The following WNK2 variants were observed in gnomAD, a reference collection of about 807,000 sequenced individuals.
WNK2 encodes serine/threonine-protein kinase WNK2.
A neutral mutation model predicts 192.1 loss-of-function variants in WNK2; 67 were observed. The ratio of observed to expected loss-of-function variants is 0.35; its 90% confidence interval spans 0.29 to 0.43. The LOEUF is 0.43. WNK2 is among the 20% of genes least tolerant of loss of function. The probability of loss-of-function intolerance (pLI) is 1.00; values close to 1 mark genes in which losing one functional copy is unlikely to be tolerated. For missense variants in WNK2, 2,698 were observed against 3,089.7 expected (o/e 0.87, Z 3.01); for synonymous variants, 1,439 against 1,393.9 (o/e 1.03, Z -0.72).
At chr9:93,267,490 G>C (rs1395277822) in intron 16 of WNK2, among the ~76,000 whole-genome samples, 1 of 152,234 alleles carries the variant, frequency 6.6e-6, no homozygotes, top group Non-Finnish European at 1.5e-5. Context: ...ACCAGCTCCA[G>C]CTGGGGCAGG....
chr9:93,195,699 C>CAAAAAAAAAAAAA (rs59357990), intron 2 of WNK2, among the ~76,000 whole-genome samples: 41 of 41,658 alleles, frequency 9.8e-4, no homozygotes, highest in African/African-American at 3.5e-3. Flanking sequence ...GACTTTGTCT[C>CAAAAAAAAAAAAA]AAAAAAAAAA....
At chr9:93,300,291 GGA>G in intron 26 of WNK2, 142 bp downstream of exon 26, 1 of 665,106 alleles carries the variant, frequency 1.5e-6, no homozygotes. Flanking sequence ...ATATCAAAGT[GGA>G]ACCCCATGAG....
chr9:93,185,013 G>C lies in WNK2; in HGVS notation c.84G>C (p.Glu28Asp). 8.0e-7 allele frequency: 1 copy of C among 1,251,246 alleles called. No homozygotes were observed. Among genetic ancestry groups the C allele is most frequent in the Non-Finnish European group, 1.0e-6 (1 of 1,002,834 alleles). 77.5% of individuals were successfully genotyped at this position (1,251,246 alleles called of 1,614,324 possible). A position where few individuals can be genotyped will look rare whatever the true frequency, so the allele number is the denominator to read the frequency against. The part of the protein sequence containing the change: ...GRGAGPAGMA[E>D]PRAKAARPGP... ...GCGCGGGGCCCGCGGGCATGGCGGA[G>C]CCTCGGGCGAAGGCGGCGCGGCCGG... Residue 28 changes from glutamate (E) to aspartate (D), a missense_variant, in exon 2 of 30, where the codon GAG (glutamate) becomes GAC (aspartate). This residue lies in a region of WNK2 where 260 missense variants were observed against 285.6 expected (regional missense o/e 0.91). Coordinates refer to ENST00000427277, the MANE Select transcript of WNK2 (RefSeq NM_006648.4).
At position 93,247,470 on chromosome 9, in the gene WNK2, G is replaced by T; in HGVS notation, c.1543-73G>T. 6.6e-7 allele frequency: 1 copy of T among 1,518,466 alleles called. No individual in the cohort carries two copies. The highest frequency in any genetic ancestry group is 8.9e-7 in the Non-Finnish European group (1 of 1,118,048). 94.1% of individuals were successfully genotyped at this position (1,518,466 alleles called of 1,614,324 possible). A position where few individuals can be genotyped will look rare whatever the true frequency, so the allele number is the denominator to read the frequency against. On this transcript the variant is annotated intron_variant, in intron 7 of 29. Coordinates refer to ENST00000427277, the MANE Select transcript of WNK2 (RefSeq NM_006648.4). The surrounding 1 kb of genome is among the most constrained non-coding windows in gnomAD (Gnocchi z 5.2). ...GCGTGGATGAGCCAGTGATGGGAAA[G>T]CACTTTAGGTAAGGGGTGTGGGCCG...
At chr9:93,268,796 C>T (rs1276939179) in intron 19 of WNK2, 50 bp downstream of exon 19, 2 of 1,590,134 alleles carry the variant, frequency 1.3e-6, no homozygotes, top group East Asian at 4.6e-5. Flanking sequence ...CATGTACAGG[C>T]CTCCTTCTGT....
chr9:93,205,184 A>C (rs1056280096), intron 2 of WNK2, among the ~76,000 whole-genome samples: 1 of 152,146 alleles, frequency 6.6e-6, no homozygotes, highest in Non-Finnish European at 1.5e-5. Flanking sequence ...GACCAATGTT[A>C]CCGGTGACTG....
intron 2 of WNK2, among the ~76,000 whole-genome samples, chr9:93,204,523 A>G (rs1459155905): frequency 6.6e-6 from 1 of 152,092 alleles, no homozygotes; most frequent in African/African-American, 2.4e-5. Flanking sequence ...CCCCCAGCAA[A>G]CTGTTGTCGG....
In WNK2 at chr9:93,259,821, A is replaced by G. The variant is rs1228258580; in HGVS notation, c.3066+207A>G. On this transcript the variant is annotated intron_variant, in intron 12 of 29. Transcript: ENST00000427277. The surrounding 1 kb of genome is among the most constrained non-coding windows in gnomAD (Gnocchi z 4.8). ...TCTTCCGTTTTCCGAATGGGTCAGG[A>G]GATGCAGGAGTCCGTGCCTGATAGG... 1.3e-5 allele frequency among the ~76,000 whole-genome samples: 2 copies of G among 152,150 alleles called. No individual in the cohort carries two copies. Among genetic ancestry groups the G allele is most frequent in the African/African-American group, 4.8e-5 (2 of 41,442 alleles).
intron 19 of WNK2, among the ~76,000 whole-genome samples, chr9:93,269,189 G>C (rs1220788064): frequency 7.3e-6 from 1 of 136,444 alleles, no homozygotes; most frequent in Admixed American, 8.0e-5. Flanking sequence ...TGTTCACACA[G>C]ACATTTATCA....
intron 2 of WNK2, among the ~76,000 whole-genome samples, chr9:93,192,326 AGAG>A (rs1830477185): frequency 1.3e-5 from 2 of 150,342 alleles, no homozygotes; most frequent in Non-Finnish European, 3.0e-5. Flanking sequence ...AAAAAAAAAA[AGAG>A]AGAGAGAGAA....
rs1410318414 is a variant in WNK2 at position 93,292,244 on chromosome 9, C to G, written c.4937-64C>G. The G allele has an allele frequency of 1.5e-5, 23 of 1,575,248 alleles. No homozygotes were observed. The Admixed American group carries it at 3.2e-4, about 22-fold the overall frequency. On this transcript the variant is annotated intron_variant, in intron 21 of 29. Transcript: ENST00000427277. ...ATCACTTTGGGCTGCTTCGGGTCAG[C>G]TGTGAGCCATCTCTGCCTCTTCCTC... is the stretch of plus-strand genomic sequence containing the variant.
chr9:93,275,801 A>G (rs1430282123), intron 19 of WNK2, among the ~76,000 whole-genome samples: 3 of 152,368 alleles, frequency 2.0e-5, no homozygotes, highest in African/African-American at 2.4e-5. Flanking sequence ...CAATATTTGT[A>G]TATACTGGCA....
intron 2 of WNK2, among the ~76,000 whole-genome samples, chr9:93,198,403 G>T (rs1172679906): frequency 6.6e-6 from 1 of 152,236 alleles, no homozygotes; most frequent in Non-Finnish European, 1.5e-5. Flanking sequence ...TGCCCATCCA[G>T]CTGCTTTGGG....
Position 93,283,754 on chromosome 9 carries a change from A to G in WNK2, c.4034-5034A>G, listed in dbSNP as rs79443102. 9.9e-3 allele frequency among the ~76,000 whole-genome samples: 1,507 copies of G among 152,310 alleles called. 27 individuals are homozygous for G. Among genetic ancestry groups the G allele is most frequent in the East Asian group, 0.048 (249 of 5,176 alleles). On this transcript the variant is annotated intron_variant, in intron 19 of 29. Coordinates refer to ENST00000427277, the MANE Select transcript of WNK2 (RefSeq NM_006648.4). ...GCCCTGACTCCCATTATGCAGAACA[A>G]GGACACATTCTCTAAAGCAGTTGTG... is the stretch of plus-strand genomic sequence containing the variant.
Position 93,218,293 on chromosome 9 carries a change from C to T in WNK2, c.682-11403C>T, listed in dbSNP as rs140622044. Among the ~76,000 whole-genome samples the T allele has an allele frequency of 9.2e-5, 14 of 152,326 alleles. No homozygotes were observed. In the East Asian group the frequency reaches 2.7e-3, roughly 29 times the overall value. On this transcript the variant is annotated intron_variant, in intron 2 of 29. Coordinates refer to ENST00000427277, the MANE Select transcript of WNK2 (RefSeq NM_006648.4). ...CTGTTCTTGATGGTGGAGCTGCTAA[C>T]CCTGCTGACCTGTGTCCCTGGTGCT...
intron 16 of WNK2, among the ~76,000 whole-genome samples, chr9:93,265,821 G>T (rs1271662284): frequency 1.3e-5 from 2 of 152,194 alleles, no homozygotes; most frequent in South Asian, 2.1e-4. Flanking sequence ...TGGCCCCCTG[G>T]TTTTCAGTCT....
intron 23 of WNK2, among the ~76,000 whole-genome samples, chr9:93,296,040 TCCCCTCCATCCTCCCCTCACCTTCCTC>T (rs1850297053): frequency 4.2e-5 from 1 of 23,624 alleles, no homozygotes; most frequent in East Asian, 1.1e-3. Context: ...CTCTCCATCA[TCCCCTCCATCCTCCCCTCACCTTCCTC>T]CCCCTCTATC....
rs762463227 is a variant in WNK2, at chr9:93,259,582, C to T, written c.3034C>T (p.Gln1012Ter). The change falls in exon 12 of 30, where the codon CAA becomes TAA. Residue 1012 changes from glutamine to a stop codon, truncating the protein, a stop_gained. Transcript: ENST00000427277. LOFTEE classifies it high-confidence loss of function. This position sits in a 1 kb window ranked among gnomAD's most constrained non-coding sequence, Gnocchi z 4.8. Reference protein sequence around the residue: ...PEPLQPHLPEQAAPAATPGSQ... With the variant: ...PEPLQPHLPE ...GCCCCTCCAGCCCCACCTTCCTGAA[C>T]AAGCTGCTCCAGCTGCTACACCAGG... 2 of 1,593,444 alleles carry T rather than the reference C, an allele frequency of 1.3e-6. No homozygotes were observed. The highest frequency in any genetic ancestry group is 1.7e-6 in the Non-Finnish European group (2 of 1,177,022).
Position 93,256,892 on chromosome 9 carries a change from G to A in WNK2, c.2191-56G>A, listed in dbSNP as rs909978457. 7 of 1,465,526 alleles carry A rather than the reference G, an allele frequency of 4.8e-6. No individual in the cohort carries two copies. In the Admixed American group the frequency reaches 7.0e-5, roughly 15 times the overall value. The allele number at this position is 1,465,526 out of a possible 1,614,324, so 90.8% of individuals were successfully genotyped here. A position where few individuals can be genotyped will look rare whatever the true frequency, so the allele number is the denominator to read the frequency against. On this transcript the variant is annotated intron_variant, in intron 10 of 29. Transcript: ENST00000427277. ...TATCCTGTCATGTGTAACCAGTGGGGTGCGCTTGTCTGGGCAGATTGGTGG... is the reference window on the plus strand; with the variant it reads ...TATCCTGTCATGTGTAACCAGTGGGATGCGCTTGTCTGGGCAGATTGGTGG...
Sources: gnomAD v4.1 joint callset for allele counts (sites outside exome capture counted in the v4.1 genomes callset) on GRCh38, gnomAD v4.1.1 for gene constraint, gnomAD v4.1.1 regional missense constraint, Gnocchi (gnomAD v3.1) non-coding constraint, MANE v1.5 for transcripts, NCBI Gene and HGNC (gene_info 2026-07-23, HGNC 2026-07-21) for gene names.